The following ERICH3 variants were observed in gnomAD, a reference collection of about 807,000 sequenced individuals.
ERICH3 encodes glutamate-rich protein 3.
A neutral mutation model predicts 131.1 loss-of-function variants in ERICH3; 126 were observed. The ratio of observed to expected loss-of-function variants is 0.96; its 90% CI spans 0.83 to 1.11. ERICH3 has a LOEUF of 1.11. ERICH3 is among the 50% of genes most tolerant of loss of function. The probability of loss-of-function intolerance (pLI) is 0.00; values close to 1 mark genes in which losing one functional copy is unlikely to be tolerated. For synonymous variants in ERICH3, 695 were observed against 644.6 expected (o/e 1.08, Z -1.18); for missense variants, 2,050 against 1,810.7 (o/e 1.13, Z -2.40).
intron 1 of ERICH3, among the ~76,000 whole-genome samples, chr1:74,662,725 G>A (rs1030517265): frequency 1.3e-5 from 2 of 152,088 alleles, no homozygotes; most frequent in African/African-American, 4.8e-5. Flanking sequence ...TAGCATGCTT[G>A]CCTGCTTCTA....
Position 74,606,608 on chromosome 1 carries a change from T to G in ERICH3, c.1482A>C (p.Leu494Phe). The change falls in exon 10 of 15, where the codon TTA (leucine) becomes TTC (phenylalanine). Residue 494 changes from leucine (L) to phenylalanine (F), a missense_variant. Transcript: ENST00000326665. ...ACTTGTGTTGTTGATTACCATATTTTAAAGTATTTTCCTGGTCGTCTTCCA... is the reference window on the plus strand; with the variant it reads ...ACTTGTGTTGTTGATTACCATATTTGAAAGTATTTTCCTGGTCGTCTTCCA... ...EVLEDDQENTLKYEYEEDFEV... is the reference protein window; with the variant it reads ...EVLEDDQENTFKYEYEEDFEV... 6.2e-7 allele frequency: 1 copy of G among 1,601,216 alleles called. No homozygotes were observed. The highest frequency in any genetic ancestry group is 2.2e-5 in the East Asian group (1 of 44,696).
chr1:74,571,901 G>C lies in ERICH3; in HGVS notation c.3809C>G (p.Thr1270Ser), dbSNP rs764346175. Residue 1270 changes from threonine (T) to serine (S), a missense_variant, in exon 14 of 15, where the codon ACC (threonine) becomes AGC (serine). Physicochemically the swap from Thr to Ser is moderately conservative, Grantham distance 58. Coordinates refer to ENST00000326665, the MANE Select transcript of ERICH3 (RefSeq NM_001002912.5). ...ATCTTCCTCAGCAACAGCTTCCTGG[G>C]TCCTTAGCACGACATCCACTCCTCC... Reference protein sequence around the residue: ...GQGGVDVVLRTQEAVAEEDPI... With the variant: ...GQGGVDVVLRSQEAVAEEDPI... 2.5e-6 allele frequency: 4 copies of C among 1,612,172 alleles called. No homozygotes were observed. In the South Asian group the frequency reaches 4.4e-5, roughly 18 times the overall value.
intron 1 of ERICH3, among the ~76,000 whole-genome samples, chr1:74,663,969 C>G (rs1379979246): frequency 2.0e-5 from 3 of 151,976 alleles, no homozygotes; most frequent in African/African-American, 7.2e-5. Flanking sequence ...AATGAGAACC[C>G]AAAGATGTAG....
In ERICH3 at chr1:74,620,737, T is replaced by C. The variant is rs772526005; in HGVS notation, c.997A>G (p.Lys333Glu). Residue 333 changes from lysine to glutamate, a missense_variant, in exon 8 of 15, where the codon AAA becomes GAA. Lys to Glu is a moderately conservative substitution (Grantham distance 56, BLOSUM62 1). Coordinates refer to ENST00000326665, the MANE Select transcript of ERICH3 (RefSeq NM_001002912.5). ...LCVYKGKLLE[K>E]ETFQFISKRH... ...AACATTCACATTTTATGTGTACCTT[T>C]TTCAAGTAGTTTGCCTTTGTAGACA... The C allele has an allele frequency of 4.4e-6, 7 of 1,600,362 alleles. No homozygotes were observed. In the Admixed American group the frequency reaches 1.2e-4, roughly 28 times the overall value.
At chr1:74,589,192 T>C (rs77913970) in intron 12 of ERICH3, 3,434 of 182,346 alleles carry the variant, frequency 0.019, 143 homozygotes, top group African/African-American at 0.076. Flanking sequence ...TGAGTTAATA[T>C]ATCTAAGTGT....
chr1:74,671,551 C>T (rs1646743577), intron 1 of ERICH3, among the ~76,000 whole-genome samples: 1 of 152,150 alleles, frequency 6.6e-6, no homozygotes, highest in Admixed American at 6.5e-5. Flanking sequence ...AGCTGGCCGA[C>T]ACTCATGGAA....
At chr1:74,580,045 C>A (rs10890136) in intron 12 of ERICH3, 146,995 of 327,498 alleles carry the variant, frequency 0.45, 34,521 homozygotes, top group Non-Finnish European at 0.5. Flanking sequence ...ATTGTATTTT[C>A]CCTAAATATG....
In ERICH3 at chr1:74,571,453, C is replaced by T; in HGVS notation, c.4257G>A (p.Glu1419=). ...CTGTTGTATATGTCACTGTCATCTCCTCTGCTGCTGGCACTTCCTCCCCAC... is the reference window on the plus strand; with the variant it reads ...CTGTTGTATATGTCACTGTCATCTCTTCTGCTGCTGGCACTTCCTCCCCAC... ...ARSGEEVPAA[E]EMTVTYTTEA... Residue 1419 remains glutamate (E), a synonymous_variant, in exon 14 of 15, where the codon GAG becomes GAA. Coordinates refer to ENST00000326665, the MANE Select transcript of ERICH3 (RefSeq NM_001002912.5). 6.2e-7 allele frequency: 1 copy of T among 1,614,090 alleles called. No individual in the cohort carries two copies. The highest frequency in any genetic ancestry group is 1.7e-5 in the Admixed American group (1 of 60,028).
chr1:74,620,660 GAT>G, intron 8 of ERICH3, 72 bp downstream of exon 8: 3 of 1,276,060 alleles, frequency 2.4e-6, no homozygotes, highest in Non-Finnish European at 3.2e-6. Flanking sequence ...AAGTCATTTT[GAT>G]ATTATATCAA....
At chr1:74,584,564 T>C (rs1179978622) in intron 12 of ERICH3, among the ~76,000 whole-genome samples, 2 of 152,138 alleles carry the variant, frequency 1.3e-5, no homozygotes, top group African/African-American at 4.8e-5. Context: ...CTGCACTTCA[T>C]TCATCTCTGT....
chr1:74,579,932 A>C (rs888281415), intron 12 of ERICH3: 2 of 946,098 alleles, frequency 2.1e-6, no homozygotes, highest in East Asian at 2.3e-4. Flanking sequence ...TTTCACTCAA[A>C]TGATATAATG....
At chr1:74,582,662 A>C (rs1158713210) in intron 12 of ERICH3, among the ~76,000 whole-genome samples, 1 of 152,208 alleles carries the variant, frequency 6.6e-6, no homozygotes, top group East Asian at 1.9e-4. Flanking sequence ...ATGAAAATTC[A>C]GGCCATCACA....
rs554465586 is a variant in ERICH3 at position 74,631,652 on chromosome 1, A to G, written c.819+61T>C. ...AAATTCTTTTACTGCAAACCTAGAA[A>G]TCTAATAGTGCAATGTAATCTGAGA... On this transcript the variant is annotated intron_variant, in intron 7 of 14. Coordinates refer to ENST00000326665, the MANE Select transcript of ERICH3 (RefSeq NM_001002912.5). The G allele has an allele frequency of 2.0e-3, 2,678 of 1,371,344 alleles. 7 individuals are homozygous for G. The highest frequency in any genetic ancestry group is 2.5e-3 in the Non-Finnish European group (2,403 of 970,992). The allele number at this position is 1,371,344 out of a possible 1,614,324, so 84.9% of individuals were successfully genotyped here. A position where few individuals can be genotyped will look rare whatever the true frequency, so the allele number is the denominator to read the frequency against.
chr1:74,653,259 A>G (rs1646553833), intron 1 of ERICH3, among the ~76,000 whole-genome samples: 1 of 152,118 alleles, frequency 6.6e-6, no homozygotes, highest in Non-Finnish European at 1.5e-5. Context: ...TTAATGACTA[A>G]TTTTAGGTTA....
chr1:74,609,165 G>C (rs530474800), intron 9 of ERICH3, among the ~76,000 whole-genome samples: 1 of 152,018 alleles, frequency 6.6e-6, no homozygotes, highest in Non-Finnish European at 1.5e-5. Flanking sequence ...AAATTACTAC[G>C]CCTCTTCAAA....
intron 1 of ERICH3, among the ~76,000 whole-genome samples, chr1:74,662,838 G>A (rs1646655745): frequency 6.6e-6 from 1 of 152,100 alleles, no homozygotes; most frequent in Admixed American, 6.6e-5. Flanking sequence ...TGTTTTTAAA[G>A]AGTGCTTTTT....
intron 1 of ERICH3, among the ~76,000 whole-genome samples, chr1:74,654,864 A>G (rs567994510): frequency 6.6e-6 from 1 of 152,198 alleles, no homozygotes; most frequent in Non-Finnish European, 1.5e-5. Flanking sequence ...ATATGTAACG[A>G]ATCATAGTGA....
chr1:74,664,823 A>C (rs1271495808), intron 1 of ERICH3, among the ~76,000 whole-genome samples: 1 of 152,210 alleles, frequency 6.6e-6, no homozygotes, highest in Non-Finnish European at 1.5e-5. Context: ...TTAGATTACT[A>C]ATCAGACTTA....
intron 10 of ERICH3, among the ~76,000 whole-genome samples, chr1:74,603,548 G>A (rs1202671849): frequency 6.6e-6 from 1 of 151,726 alleles, no homozygotes; most frequent in Non-Finnish European, 1.5e-5. Context: ...ACACATGTAA[G>A]TATATACAAG....
Sources: allele counts gnomAD v4.1 joint callset (sites outside exome capture counted in the v4.1 genomes callset), GRCh38; gene constraint gnomAD v4.1.1; transcripts MANE v1.5; gene names NCBI Gene and HGNC (gene_info 2026-07-23, HGNC 2026-07-21).